ASAP1: variants seen among roughly 807,000 people sequenced by gnomAD.
ASAP1 encodes ArfGAP with SH3 domain, ankyrin repeat and PH domain 1, also known as arf-GAP with SH3 domain, ANK repeat and PH domain-containing protein 1.
A neutral mutation model predicts 145.2 loss-of-function variants in ASAP1; 43 were observed. The ratio of observed to expected loss-of-function variants is 0.30; its 90% CI spans 0.23 to 0.38. The LOEUF (loss-of-function observed/expected upper bound fraction) is 0.38, where lower values mean the gene tolerates loss of function less well. Ranked by LOEUF, ASAP1 falls within the 10% of genes least tolerant of loss-of-function variation. ASAP1 has a pLI of 1.00. For missense variants in ASAP1, 1,018 were observed against 1,355.3 expected (o/e 0.75, Z 3.91); for synonymous variants, 546 against 515.5 (o/e 1.06, Z -0.80).
chr8:130,116,009 T>A (rs560541354), intron 22 of ASAP1, among the ~76,000 whole-genome samples: 63 of 152,318 alleles, frequency 4.1e-4, no homozygotes, highest in African/African-American at 1.3e-3. Context: ...ACTTGCAAAT[T>A]CCTGGCTGAA....
In ASAP1 at chr8:130,102,019, TAGA is replaced by T. The variant is rs1292463553; in HGVS notation, c.2402-9879_2402-9877del. 3.9e-5 allele frequency among the ~76,000 whole-genome samples: 6 copies of T among 152,296 alleles called. No individual in the cohort carries two copies. In the East Asian group the frequency reaches 1.2e-3, roughly 29 times the overall value. On this transcript the variant is annotated intron_variant, in intron 24 of 29. Transcript: ENST00000518721. ...GGTGACGTCTTTAGGTTTTTCTATA[TAGA>T]AGATCATGTCATCTGAAAAGAGGAA...
chr8:130,070,140 CAT>C (rs767941158), intron 27 of ASAP1, among the ~76,000 whole-genome samples: 3,201 of 152,200 alleles, frequency 0.021, 31 homozygotes, highest in Middle Eastern at 0.041. Flanking sequence ...GGGTTCACGC[CAT>C]TCTCCTGCCT....
At chr8:130,151,586 G>A (rs1002610462) in intron 13 of ASAP1, among the ~76,000 whole-genome samples, 2 of 152,088 alleles carry the variant, frequency 1.3e-5, no homozygotes, top group Non-Finnish European at 2.9e-5. Context: ...GAATTCCTCC[G>A]AAGAATCACT....
Position 130,392,959 on chromosome 8 carries a change from C to A in ASAP1, c.59+8926G>T, listed in dbSNP as rs536907255. ...ATTTCAACATGAGGTTTAGAGGGGT[C>A]AAATATCCAAACCATGGCACCGAGG... On this transcript the variant is annotated intron_variant, in intron 2 of 29. Transcript: ENST00000518721. Among the ~76,000 whole-genome samples, 5 of 152,220 alleles carry A rather than the reference C, an allele frequency of 3.3e-5. No individual in the cohort carries two copies. The East Asian group carries it at 9.6e-4, about 29-fold the overall frequency.
At position 130,071,005 on chromosome 8, in the gene ASAP1, AGGGG is replaced by A. The variant is rs1466220526; in HGVS notation, c.2701+5339_2701+5342del. Among the ~76,000 whole-genome samples, 49 of 5,776 alleles carry A rather than the reference AGGGG, an allele frequency of 8.5e-3. 8 individuals carry two copies. The highest frequency in any genetic ancestry group is 0.031 in the African/African-American group (27 of 866). 3.8% of individuals were successfully genotyped at this position (5,776 alleles called of 152,430 possible). On this transcript the variant is annotated intron_variant, in intron 27 of 29. Transcript: ENST00000518721. ...GGGGGGAGAGAGAGAGAGAGAGGGG[AGGGG>A]GGGAGAGAGAGAGAGAGAGAGAGAG...
chr8:130,361,794 A>G, intron 2 of ASAP1: 1 of 1,478,202 alleles, frequency 6.8e-7, no homozygotes, highest in South Asian at 1.2e-5. Flanking sequence ...AGAGACTGAC[A>G]TGGGCAAAAC....
chr8:130,408,326 A>G (rs900502646), intron 1 of ASAP1, among the ~76,000 whole-genome samples: 1 of 152,204 alleles, frequency 6.6e-6, no homozygotes, highest in Non-Finnish European at 1.5e-5. Flanking sequence ...ACCCTTCCCA[A>G]CGTGAGTGGG....
chr8:130,272,193 A>C (rs565262923), intron 3 of ASAP1, among the ~76,000 whole-genome samples: 1 of 152,170 alleles, frequency 6.6e-6, no homozygotes, highest in South Asian at 2.1e-4. Flanking sequence ...TGGGCAAAGG[A>C]CATGAATAGA....
intron 2 of ASAP1, among the ~76,000 whole-genome samples, chr8:130,370,059 G>A (rs1210952791): frequency 2.0e-5 from 3 of 152,170 alleles, no homozygotes; most frequent in Admixed American, 2.0e-4. Context: ...CCAGCACTTT[G>A]GGAGGCTGAG....
intron 13 of ASAP1, among the ~76,000 whole-genome samples, chr8:130,147,028 C>T (rs773586398): frequency 2.0e-5 from 3 of 151,808 alleles, no homozygotes; most frequent in Non-Finnish European, 2.9e-5. Flanking sequence ...GAATTTGAGA[C>T]CAGCCCGGCC....
At chr8:130,080,478 C>CTTT (rs398047411) in intron 25 of ASAP1, among the ~76,000 whole-genome samples, 8 of 71,176 alleles carry the variant, frequency 1.1e-4, no homozygotes, top group African/African-American at 1.5e-4. Context: ...CATTCTCTCT[C>CTTT]TTTTTTTTTT....
intron 23 of ASAP1, among the ~76,000 whole-genome samples, chr8:130,113,722 T>G (rs1034565183): frequency 6.6e-6 from 1 of 152,104 alleles, no homozygotes; most frequent in Admixed American, 6.5e-5. Context: ...TGCTAAATTC[T>G]CTTTGTAAGT....
At chr8:130,191,393 C>T (rs1455644056) in intron 5 of ASAP1, among the ~76,000 whole-genome samples, 2 of 152,194 alleles carry the variant, frequency 1.3e-5, no homozygotes, top group African/African-American at 4.8e-5. Flanking sequence ...AATGATTTTA[C>T]TCACACATAA....
At chr8:130,114,769 A>T (rs866506776) in intron 23 of ASAP1, among the ~76,000 whole-genome samples, 4 of 134,920 alleles carry the variant, frequency 3.0e-5, no homozygotes, top group Admixed American at 7.5e-5. Flanking sequence ...TTGAAGGTTA[A>T]TTTTTTTTTT....
intron 5 of ASAP1, among the ~76,000 whole-genome samples, chr8:130,196,596 C>A (rs1193189431): frequency 6.6e-6 from 1 of 152,208 alleles, no homozygotes; most frequent in Non-Finnish European, 1.5e-5. Context: ...TTCCAGGACA[C>A]CTACATGCAC....
At chr8:130,357,811 A>G (rs558010995) in intron 3 of ASAP1, among the ~76,000 whole-genome samples, 102 of 152,288 alleles carry the variant, frequency 6.7e-4, no homozygotes, top group Admixed American at 9.8e-4. Flanking sequence ...TCCAGTCCCC[A>G]GGCCTTTCAA....
intron 2 of ASAP1, among the ~76,000 whole-genome samples, chr8:130,383,172 C>T (rs1222872186): frequency 1.3e-5 from 2 of 152,170 alleles, no homozygotes; most frequent in Admixed American, 6.6e-5. Flanking sequence ...GTCCCCATTC[C>T]CTTTTTGCCA....
chr8:130,418,674 C>T (rs1290723244), intron 1 of ASAP1, among the ~76,000 whole-genome samples: 1 of 152,064 alleles, frequency 6.6e-6, no homozygotes, highest in African/African-American at 2.4e-5. Flanking sequence ...ACTCCCCGTT[C>T]CACCCTCTAC....
intron 20 of ASAP1, among the ~76,000 whole-genome samples, chr8:130,117,283 G>T (rs138285979): frequency 6.6e-6 from 1 of 152,048 alleles, no homozygotes; most frequent in Admixed American, 6.6e-5. Context: ...AATAATAACC[G>T]CTTTTACAGA....
Sources: allele counts gnomAD v4.1 joint callset (sites outside exome capture counted in the v4.1 genomes callset), GRCh38; gene constraint gnomAD v4.1.1; transcripts MANE v1.5; gene names NCBI Gene and HGNC (gene_info 2026-07-23, HGNC 2026-07-21).